The following RAPGEF5 variants were observed in gnomAD, a reference collection of about 807,000 sequenced individuals.
RAPGEF5 encodes M-Ras-regulated GEF.
A neutral mutation model predicts 125.2 loss-of-function variants in RAPGEF5; 65 were observed. The ratio of observed to expected loss-of-function variants is 0.52; its 90% CI spans 0.43 to 0.64. The LOEUF is 0.64. Ranked by LOEUF, RAPGEF5 falls within the 30% of genes least tolerant of loss-of-function variation. RAPGEF5 has a pLI of 0.00. For missense variants in RAPGEF5, 958 were observed against 1,048.1 expected (o/e 0.91, Z 1.19); for synonymous variants, 391 against 385.9 (o/e 1.01, Z -0.16).
At chr7:22,222,606 A>C (rs1785818782) in intron 8 of RAPGEF5, among the ~76,000 whole-genome samples, 1 of 152,172 alleles carries the variant, frequency 6.6e-6, no homozygotes, top group South Asian at 2.1e-4. Flanking sequence ...GACTGGTGGC[A>C]CTGGTTGAGA....
At chr7:22,208,056 C>T (rs1269837082) in intron 9 of RAPGEF5, among the ~76,000 whole-genome samples, 1 of 152,124 alleles carries the variant, frequency 6.6e-6, no homozygotes, top group African/African-American at 2.4e-5. Flanking sequence ...ACTGGGTTTT[C>T]CTGTCTGGGT....
intron 8 of RAPGEF5, among the ~76,000 whole-genome samples, chr7:22,220,785 G>T (rs1385713644): frequency 2.0e-5 from 3 of 151,764 alleles, no homozygotes; most frequent in Non-Finnish European, 4.4e-5. Context: ...TTCCAAAATG[G>T]TTCATACTGA....
chr7:22,333,790 T>A (rs1422104433), intron 1 of RAPGEF5, among the ~76,000 whole-genome samples: 2 of 152,248 alleles, frequency 1.3e-5, no homozygotes, highest in African/African-American at 2.4e-5. Flanking sequence ...GGAAAAGGTA[T>A]AACTGCCGTG....
Position 22,291,211 on chromosome 7 carries a change from T to G in RAPGEF5, c.711A>C (p.Glu237Asp), listed in dbSNP as rs747753000. 1 of 1,579,292 alleles carries G rather than the reference T, an allele frequency of 6.3e-7. No individual in the cohort carries two copies. Residue 237 changes from glutamate (E) to aspartate (D), a missense_variant, in exon 6 of 26, where the codon GAA becomes GAC. Glu to Asp is a conservative substitution (Grantham distance 45, BLOSUM62 2). Transcript: ENST00000665637. ...GACGCACAAGAATTTCATCACTGCT[T>G]TCTTCGGAGTCTTCAATTTTCTGAT... ...LSHQKIEDSE[E>D]SSDEILVRLT...
intron 7 of RAPGEF5, among the ~76,000 whole-genome samples, chr7:22,239,088 G>C (rs998057367): frequency 2.0e-5 from 3 of 152,218 alleles, no homozygotes; most frequent in African/African-American, 7.2e-5. Context: ...TGATGAGTCA[G>C]TGAGGGATGG....
At chr7:22,256,048 C>T (rs1251683773) in intron 7 of RAPGEF5, among the ~76,000 whole-genome samples, 1 of 152,150 alleles carries the variant, frequency 6.6e-6, no homozygotes, top group Non-Finnish European at 1.5e-5. Context: ...TCACATTACT[C>T]TTGCCTGCCC....
At chr7:22,335,091 G>A (rs1430517915) in intron 1 of RAPGEF5, among the ~76,000 whole-genome samples, 1 of 152,224 alleles carries the variant, frequency 6.6e-6, no homozygotes, top group African/African-American at 2.4e-5. Flanking sequence ...TCAACTACCT[G>A]AGGAACACTG....
chr7:22,215,579 C>T (rs1277492272), intron 9 of RAPGEF5, among the ~76,000 whole-genome samples: 2 of 152,206 alleles, frequency 1.3e-5, no homozygotes, highest in Admixed American at 6.5e-5. Context: ...TCCTCTATGA[C>T]ATCGGCTTGA....
Position 22,160,621 on chromosome 7 carries a change from GA to G in RAPGEF5, c.1429-7del. The stretch of plus-strand genomic sequence containing the variant: ...AGTACATTCCTATATATGGTCTGGA[GA>G]AAAAAGACAAATGAGAGCTCAGTGG... On this transcript the variant is annotated splice_polypyrimidine_tract_variant and splice_region_variant and intron_variant, in intron 13 of 25. Coordinates refer to ENST00000665637, the MANE Select transcript of RAPGEF5 (RefSeq NM_012294.5). 6.6e-7 allele frequency: 1 copy of G among 1,524,316 alleles called. No individual in the cohort carries two copies. The allele number at this position is 1,524,316 out of a possible 1,614,324, so 94.4% of individuals were successfully genotyped here.
intron 7 of RAPGEF5, among the ~76,000 whole-genome samples, chr7:22,255,095 G>A (rs1308991818): frequency 1.3e-5 from 2 of 152,054 alleles, no homozygotes; most frequent in Non-Finnish European, 2.9e-5. Context: ...GAGTTAGCAG[G>A]TTGTTGAAAC....
intron 1 of RAPGEF5, among the ~76,000 whole-genome samples, chr7:22,339,289 C>T (rs1235350468): frequency 6.6e-6 from 1 of 152,230 alleles, no homozygotes; most frequent in Admixed American, 6.5e-5. Context: ...CGGTCTCTCA[C>T]TCTGCCTTAT....
intron 1 of RAPGEF5, among the ~76,000 whole-genome samples, chr7:22,340,674 C>CAGGG (rs760708516): frequency 6.6e-6 from 1 of 152,198 alleles, no homozygotes; most frequent in Non-Finnish European, 1.5e-5. Flanking sequence ...GTTCCCTGAC[C>CAGGG]AGGGCTTGGA....
At chr7:22,272,174 T>G (rs1001451995) in intron 6 of RAPGEF5, among the ~76,000 whole-genome samples, 13 of 151,624 alleles carry the variant, frequency 8.6e-5, no homozygotes, top group African/African-American at 3.2e-4. Flanking sequence ...AAACTCCATC[T>G]CTACTAAAAA....
intron 1 of RAPGEF5, among the ~76,000 whole-genome samples, chr7:22,343,440 A>G (rs1020923874): frequency 2.0e-5 from 3 of 152,198 alleles, no homozygotes; most frequent in Non-Finnish European, 4.4e-5. Context: ...AAAATTTGAG[A>G]TTGGGGGCTT....
chr7:22,180,674 T>G (rs967040517), intron 11 of RAPGEF5, among the ~76,000 whole-genome samples: 6 of 152,216 alleles, frequency 3.9e-5, no homozygotes, highest in Non-Finnish European at 7.3e-5. Flanking sequence ...ACATGTACAC[T>G]GAAAATTTCC....
chr7:22,174,379 C>G (rs1784442210), intron 11 of RAPGEF5, among the ~76,000 whole-genome samples: 1 of 152,122 alleles, frequency 6.6e-6, no homozygotes, highest in African/African-American at 2.4e-5. Context: ...CCTAGAGATG[C>G]TTTCTGTGAG....
chr7:22,307,972 G>C (rs557239792), intron 5 of RAPGEF5, among the ~76,000 whole-genome samples: 2 of 152,250 alleles, frequency 1.3e-5, no homozygotes, highest in Admixed American at 1.3e-4. Flanking sequence ...GAAACATTCT[G>C]TTGAGCTCTT....
chr7:22,291,254 A>G lies in RAPGEF5; in HGVS notation c.681-13T>C. The G allele has an allele frequency of 6.6e-7, 1 of 1,526,482 alleles. No individual in the cohort carries two copies. The allele number at this position is 1,526,482 out of a possible 1,614,324, so 94.6% of individuals were successfully genotyped here. On this transcript the variant is annotated splice_polypyrimidine_tract_variant and intron_variant, in intron 5 of 25. Coordinates refer to ENST00000665637, the MANE Select transcript of RAPGEF5 (RefSeq NM_012294.5). ...TTTCTGATGAGACCTAAAAAAAAAA[A>G]AAAGAACAAATTACTTTTCAGTTTT...
intron 11 of RAPGEF5, among the ~76,000 whole-genome samples, chr7:22,188,724 C>A (rs1241607585): frequency 6.7e-6 from 1 of 150,184 alleles, no homozygotes; most frequent in East Asian, 2.0e-4. Flanking sequence ...CGAGATCGCG[C>A]CACTGCACTC....
Sources: allele counts gnomAD v4.1 joint callset (sites outside exome capture counted in the v4.1 genomes callset), GRCh38; gene constraint gnomAD v4.1.1; transcripts MANE v1.5; gene names NCBI Gene and HGNC (gene_info 2026-07-23, HGNC 2026-07-21).